Variants in LRFN5 observed in about 807,000 individuals in gnomAD.
The protein encoded by LRFN5 is leucine-rich repeat and fibronectin type-III domain-containing protein 5.
A neutral mutation model predicts 45.6 loss-of-function variants in LRFN5; 24 were observed. The observed-to-expected ratio is 0.53, with a 90% confidence interval of 0.38 to 0.74. The LOEUF (loss-of-function observed/expected upper bound fraction) is 0.74. Among genes scored for constraint, LRFN5 ranks in the 30% least tolerant of loss-of-function variants. LRFN5 has a pLI of 0.00. For synonymous variants in LRFN5, 340 were observed against 313.8 expected (o/e 1.08, Z -0.88); for missense variants, 776 against 861.5 (o/e 0.90, Z 1.24).
At chr14:41,726,849 C>T (rs1036033747) in intron 1 of LRFN5, among the ~76,000 whole-genome samples, 3 of 152,078 alleles carry the variant, frequency 2.0e-5, no homozygotes, top group Non-Finnish European at 2.9e-5. Flanking sequence ...ACATAATGCT[C>T]GCCAGAGCAA....
chr14:41,775,383 G>A (rs553141872), intron 2 of LRFN5, among the ~76,000 whole-genome samples: 4 of 151,912 alleles, frequency 2.6e-5, no homozygotes, highest in Non-Finnish European at 5.9e-5. Flanking sequence ...CACCGCACCC[G>A]GCAGTTGCTA....
chr14:41,877,114 C>G (rs1890212510), intron 2 of LRFN5, among the ~76,000 whole-genome samples: 1 of 152,178 alleles, frequency 6.6e-6, no homozygotes, highest in South Asian at 2.1e-4. Context: ...ATAGATGTCT[C>G]TCTCTCTCTT....
chr14:41,693,060 T>G (rs997383747), intron 1 of LRFN5, among the ~76,000 whole-genome samples: 3 of 152,132 alleles, frequency 2.0e-5, no homozygotes, highest in African/African-American at 7.2e-5. Flanking sequence ...TGTGCATTTA[T>G]TTGTGGACTT....
intron 1 of LRFN5, among the ~76,000 whole-genome samples, chr14:41,763,271 T>G (rs1885744082): frequency 6.6e-6 from 1 of 152,242 alleles, no homozygotes; most frequent in African/African-American, 2.4e-5. Context: ...AGCCTTGGTC[T>G]AGAAGACTTT....
chr14:41,877,653 T>C (rs1252595179), intron 2 of LRFN5, among the ~76,000 whole-genome samples: 9 of 152,018 alleles, frequency 5.9e-5, no homozygotes, highest in Non-Finnish European at 8.8e-5. Context: ...CACACGCACA[T>C]GTTGAGAACA....
chr14:41,768,872 A>T (rs771332533), intron 2 of LRFN5, among the ~76,000 whole-genome samples: 5 of 152,178 alleles, frequency 3.3e-5, no homozygotes, highest in Non-Finnish European at 7.4e-5. Flanking sequence ...TAATTGCTAA[A>T]ATCAAGGCCA....
intron 1 of LRFN5, among the ~76,000 whole-genome samples, chr14:41,737,822 A>C (rs1482526260): frequency 6.6e-6 from 1 of 152,158 alleles, no homozygotes; most frequent in Non-Finnish European, 1.5e-5. Flanking sequence ...GGAGAACTAC[A>C]AACCACTGCT....
intron 2 of LRFN5, among the ~76,000 whole-genome samples, chr14:41,879,529 A>G (rs1016540891): frequency 6.6e-6 from 1 of 151,122 alleles, no homozygotes; most frequent in African/African-American, 2.4e-5. Context: ...ATATATGTGT[A>G]TTTATATTGT....
chr14:41,678,995 C>T (rs1020521512), intron 1 of LRFN5, among the ~76,000 whole-genome samples: 4 of 152,210 alleles, frequency 2.6e-5, no homozygotes, highest in African/African-American at 7.2e-5. Flanking sequence ...AGTGCTTCTC[C>T]GTCACAGCAG....
At chr14:41,631,538 AT>A (rs1888534138) in intron 1 of LRFN5, among the ~76,000 whole-genome samples, 2 of 152,240 alleles carry the variant, frequency 1.3e-5, no homozygotes, top group Middle Eastern at 3.4e-3. Flanking sequence ...AAAAATAAAG[AT>A]TTAAATATAT....
intron 2 of LRFN5, among the ~76,000 whole-genome samples, chr14:41,841,577 T>C (rs913719009): frequency 6.6e-6 from 1 of 151,954 alleles, no homozygotes; most frequent in Non-Finnish European, 1.5e-5. Context: ...TACTGTTCCA[T>C]TGCATGAGTG....
intron 2 of LRFN5, among the ~76,000 whole-genome samples, chr14:41,811,019 T>A (rs1887718197): frequency 6.6e-6 from 1 of 152,058 alleles, no homozygotes; most frequent in African/African-American, 2.4e-5. Flanking sequence ...CACAAGGATT[T>A]TATTGGTGTT....
intron 1 of LRFN5, among the ~76,000 whole-genome samples, chr14:41,673,664 CA>C (rs1255709273): frequency 6.8e-5 from 9 of 133,014 alleles, no homozygotes; most frequent in East Asian, 2.4e-4. Flanking sequence ...GCTGGCCGGG[CA>C]GGGGGGCTGA....
intron 1 of LRFN5, among the ~76,000 whole-genome samples, chr14:41,649,777 A>G (rs1051986525): frequency 6.6e-6 from 1 of 152,212 alleles, no homozygotes; most frequent in South Asian, 2.1e-4. Context: ...GTAATTTTCA[A>G]TTCACTGAAC....
intron 1 of LRFN5, among the ~76,000 whole-genome samples, chr14:41,670,283 ATATAT>A (rs1881134277): frequency 1.3e-5 from 1 of 78,150 alleles, no homozygotes; most frequent in Non-Finnish European, 2.3e-5. Flanking sequence ...ATATATATAT[ATATAT>A]ATATATATAT....
intron 2 of LRFN5, among the ~76,000 whole-genome samples, chr14:41,825,382 G>A (rs1566467487): frequency 6.6e-6 from 1 of 152,228 alleles, no homozygotes; most frequent in East Asian, 1.9e-4. Context: ...AGAGCCCAGA[G>A]CGATGCTCAT....
intron 2 of LRFN5, among the ~76,000 whole-genome samples, chr14:41,806,681 T>A (rs1887536684): frequency 6.6e-6 from 1 of 152,140 alleles, no homozygotes; most frequent in Non-Finnish European, 1.5e-5. Context: ...GGATTAGGAC[T>A]GGGGATTCAT....
chr14:41,626,643 G>T (rs910748851), intron 1 of LRFN5, among the ~76,000 whole-genome samples: 16 of 151,976 alleles, frequency 1.1e-4, no homozygotes, highest in African/African-American at 3.9e-4. Context: ...TGAGTGTATT[G>T]TGCATCTCTA....
At chr14:41,752,078 T>TA (rs1246419548) in intron 1 of LRFN5, among the ~76,000 whole-genome samples, 5 of 152,154 alleles carry the variant, frequency 3.3e-5, no homozygotes, top group Admixed American at 3.3e-4. Context: ...TCCATGTCCC[T>TA]ACAAAGGACA....
Sources: allele counts gnomAD v4.1 joint callset (sites outside exome capture counted in the v4.1 genomes callset), GRCh38; gene constraint gnomAD v4.1.1; transcripts MANE v1.5; gene names NCBI Gene and HGNC (gene_info 2026-07-23, HGNC 2026-07-21).